Variants in NCAM1 observed in about 807,000 individuals in gnomAD.
NCAM1 encodes antigen recognized by monoclonal antibody 5.1H11.
In NCAM1, 14 loss-of-function variants were observed where a neutral mutation model predicts 109.8. The ratio of observed to expected loss-of-function variants is 0.13; its 90% confidence interval spans 0.08 to 0.20. The LOEUF is 0.20. Among genes scored for constraint, NCAM1 ranks in the 10% least tolerant of loss-of-function variants. The pLI, the probability that NCAM1 is intolerant of heterozygous loss-of-function variation, is 1.00. For missense variants in NCAM1, 774 were observed against 1,109.9 expected (o/e 0.70, Z 4.30); for synonymous variants, 418 against 442.9 (o/e 0.94, Z 0.70).
At chr11:113,136,699 G>T (rs1941611714) in intron 1 of NCAM1, among the ~76,000 whole-genome samples, 1 of 152,142 alleles carries the variant, frequency 6.6e-6, no homozygotes, top group Non-Finnish European at 1.5e-5. Context: ...GGTGGGAATG[G>T]TCTGAGGCCA....
At chr11:113,105,600 T>C (rs1555092384) in intron 1 of NCAM1, among the ~76,000 whole-genome samples, 3 of 152,192 alleles carry the variant, frequency 2.0e-5, no homozygotes, top group Non-Finnish European at 2.9e-5. Context: ...AGGAATGAAG[T>C]ACAGATATCT....
At chr11:113,012,251 TCA>T (rs1952087137) in intron 1 of NCAM1, among the ~76,000 whole-genome samples, 1 of 152,150 alleles carries the variant, frequency 6.6e-6, no homozygotes, top group Non-Finnish European at 1.5e-5. Context: ...ACTCCTGGCC[TCA>T]AGTGATCTGC....
chr11:113,134,348 T>C (rs1362630394), intron 1 of NCAM1, among the ~76,000 whole-genome samples: 1 of 152,170 alleles, frequency 6.6e-6, no homozygotes, highest in African/African-American at 2.4e-5. Flanking sequence ...TAATATTTCA[T>C]TGTAGATATA....
chr11:113,207,512 C>A, intron 6 of NCAM1, 134 bp downstream of exon 6: 2 of 731,672 alleles, frequency 2.7e-6, no homozygotes, highest in Non-Finnish European at 4.4e-6. Context: ...AGAATGGACT[C>A]TTTTCTATAA....
rs781920826 is a variant in NCAM1 at position 113,231,278 on chromosome 11, G to GGCT, written c.1090-349_1090-347dup. ...GGTTTCCCAGGATCTCATGAGGTAG[G>GGCT]GCTGCTGCTGCTGCTGCTGCAATAT... is the stretch of plus-strand genomic sequence containing the variant. On this transcript the variant is annotated intron_variant, in intron 9 of 19. Coordinates refer to ENST00000316851, the MANE Select transcript of NCAM1 (RefSeq NM_181351.5). The GGCT allele has an allele frequency of 8.3e-4, 1,263 of 1,530,044 alleles. 1 individual carries two copies. The highest frequency in any genetic ancestry group is 1.0e-3 in the Non-Finnish European group (1,160 of 1,141,940). The allele number at this position is 1,530,044 out of a possible 1,614,324, so 94.8% of individuals were successfully genotyped here.
At chr11:113,143,273 G>T (rs1175501282) in intron 1 of NCAM1, among the ~76,000 whole-genome samples, 1 of 152,142 alleles carries the variant, frequency 6.6e-6, no homozygotes, top group African/African-American at 2.4e-5. Flanking sequence ...GGCTTTTGTT[G>T]TGACAGAGGT....
At chr11:113,123,109 A>T (rs1197599072) in intron 1 of NCAM1, among the ~76,000 whole-genome samples, 1 of 152,218 alleles carries the variant, frequency 6.6e-6, no homozygotes, top group East Asian at 1.9e-4. Flanking sequence ...GTTAATGGAT[A>T]CAAACATACA....
chr11:113,221,451 T>A, intron 9 of NCAM1, 126 bp downstream of exon 9: 1 of 973,496 alleles, frequency 1.0e-6, no homozygotes, highest in Non-Finnish European at 1.6e-6. Context: ...AGGTCGATAG[T>A]GGTAGACATT....
chr11:113,170,328 A>C (rs1942951629), intron 1 of NCAM1, among the ~76,000 whole-genome samples: 1 of 152,118 alleles, frequency 6.6e-6, no homozygotes, highest in African/African-American at 2.4e-5. Context: ...ATTTCTTCCC[A>C]CCATTAAAAA....
intron 1 of NCAM1, among the ~76,000 whole-genome samples, chr11:112,992,758 C>T (rs905089583): frequency 2.6e-5 from 4 of 152,276 alleles, no homozygotes; most frequent in Middle Eastern, 3.4e-3. Flanking sequence ...CCGCCAGCCT[C>T]GGCCTTCCTA....
chr11:113,160,864 G>A (rs1252260921), intron 1 of NCAM1, among the ~76,000 whole-genome samples: 1 of 152,168 alleles, frequency 6.6e-6, no homozygotes, highest in African/African-American at 2.4e-5. Context: ...ATTTTTACAA[G>A]GTTAAGTCAG....
intron 1 of NCAM1, among the ~76,000 whole-genome samples, chr11:113,176,212 C>T (rs1943138847): frequency 6.6e-6 from 1 of 152,170 alleles, no homozygotes; most frequent in Non-Finnish European, 1.5e-5. Flanking sequence ...CACGAACCCC[C>T]TGATCTATGC....
chr11:113,231,633 C>A lies in NCAM1; in HGVS notation c.1090-12C>A, dbSNP rs17115206. Reference sequence around the variant, plus strand: ...GGCTCTGACATGCTCCCTTCCCCCCCACCCCCGGCAGACTCTGGATGGGCA... The same window carrying A: ...GGCTCTGACATGCTCCCTTCCCCCCAACCCCCGGCAGACTCTGGATGGGCA... On this transcript the variant is annotated splice_polypyrimidine_tract_variant and intron_variant, in intron 9 of 19. Coordinates refer to ENST00000316851, the MANE Select transcript of NCAM1 (RefSeq NM_181351.5). 15,923 of 1,612,256 alleles carry A rather than the reference C, an allele frequency of 9.9e-3. 119 individuals carry two copies. Among genetic ancestry groups the A allele is most frequent in the Non-Finnish European group, 0.012 (13,833 of 1,178,742 alleles).
chr11:112,964,147 T>G (rs1343991682), intron 1 of NCAM1, among the ~76,000 whole-genome samples: 3 of 1,318 alleles, frequency 2.3e-3, no homozygotes, highest in South Asian at 0.083. Context: ...TTTGTTTTTT[T>G]TTTTTTTGTT....
At chr11:113,008,963 C>T (rs781976461) in intron 1 of NCAM1, among the ~76,000 whole-genome samples, 3 of 152,192 alleles carry the variant, frequency 2.0e-5, no homozygotes, top group Non-Finnish European at 4.4e-5. Context: ...AAGCTGCAAA[C>T]TGTCCTGTGT....
chr11:113,028,143 C>A (rs1952610067), intron 1 of NCAM1, among the ~76,000 whole-genome samples: 1 of 152,056 alleles, frequency 6.6e-6, no homozygotes, highest in Non-Finnish European at 1.5e-5. Context: ...TAGCTGATAT[C>A]AATGTATTGT....
chr11:113,146,346 A>C (rs1163758368), intron 1 of NCAM1, among the ~76,000 whole-genome samples: 7 of 152,248 alleles, frequency 4.6e-5, no homozygotes, highest in Admixed American at 4.6e-4. Context: ...ATTTTAAGAT[A>C]AAATGGGTAA....
intron 14 of NCAM1, 77 bp from the exon 15 acceptor site, chr11:113,246,291 A>G (rs1555120186): frequency 1.4e-6 from 1 of 704,318 alleles, no homozygotes; most frequent in African/African-American, 1.7e-5. Flanking sequence ...TTCAACCAAT[A>G]TCATGTGCGT....
chr11:113,140,363 G>C (rs1391209520), intron 1 of NCAM1, among the ~76,000 whole-genome samples: 2 of 152,136 alleles, frequency 1.3e-5, no homozygotes, highest in African/African-American at 4.8e-5. Flanking sequence ...AAATAGGTCA[G>C]TGTTTCTGGT....
Sources: gnomAD v4.1 joint callset for allele counts (sites outside exome capture counted in the v4.1 genomes callset) on GRCh38, gnomAD v4.1.1 for gene constraint, MANE v1.5 for transcripts, NCBI Gene and HGNC (gene_info 2026-07-23, HGNC 2026-07-21) for gene names.